TNR: variants seen among roughly 807,000 people sequenced by gnomAD.
The protein encoded by TNR is tenascin-R.
TNR carries 45 observed loss-of-function variants against 150.4 expected under a neutral mutation model. That is an observed-to-expected ratio of 0.30 (90% CI 0.24 to 0.38). The LOEUF (loss-of-function observed/expected upper bound fraction) is 0.38. TNR is among the 10% of genes least tolerant of loss of function. The pLI, the probability that TNR is intolerant of heterozygous loss-of-function variation, is 1.00. For missense variants in TNR, 1,544 were observed against 1,759.1 expected (o/e 0.88, Z 2.19); for synonymous variants, 687 against 678.4 (o/e 1.01, Z -0.20).
At chr1:175,553,353 G>A (rs974518742) in intron 1 of TNR, among the ~76,000 whole-genome samples, 1 of 152,102 alleles carries the variant, frequency 6.6e-6, no homozygotes, top group Non-Finnish European at 1.5e-5. Flanking sequence ...TGTGATTGAG[G>A]TAGACAGGAT....
At chr1:175,368,962 C>G (rs1488430962) in intron 9 of TNR, among the ~76,000 whole-genome samples, 2 of 151,982 alleles carry the variant, frequency 1.3e-5, no homozygotes, top group Admixed American at 6.6e-5. Flanking sequence ...AAAACAAAAA[C>G]AAACAAACAA....
chr1:175,657,709 G>T (rs1276496044), intron 1 of TNR, among the ~76,000 whole-genome samples: 1 of 134,628 alleles, frequency 7.4e-6, no homozygotes, highest in African/African-American at 2.8e-5. Flanking sequence ...TCATAGGTGG[G>T]AACTGAACAA....
At chr1:175,533,107 A>G (rs540234668) in intron 1 of TNR, among the ~76,000 whole-genome samples, 3 of 152,232 alleles carry the variant, frequency 2.0e-5, no homozygotes, top group Non-Finnish European at 4.4e-5. Context: ...AAGGAAAAAG[A>G]CATTTCTCTT....
rs1648814114 is a variant in TNR at position 175,315,678 on chromosome 1, C to G, written c.*7679G>C. ...GCTCGGAGCCCCAGTTAATGACCCC[C>G]TCAGTGTCACAGTGATTTGCTTAGG... On this transcript the variant is annotated 3_prime_UTR_variant, in exon 23 of 23. Coordinates refer to ENST00000367674, the MANE Select transcript of TNR (RefSeq NM_003285.3). 1 of 152,262 alleles carries G rather than the reference C, an allele frequency of 6.6e-6. No individual in the cohort carries two copies. The highest frequency in any genetic ancestry group is 1.5e-5 in the Non-Finnish European group (1 of 68,070). 9.4% of individuals were successfully genotyped at this position (152,262 alleles called of 1,614,324 possible). A position where few individuals can be genotyped will look rare whatever the true frequency, so the allele number is the denominator to read the frequency against.
At chr1:175,330,987 C>T (rs893682334) in intron 20 of TNR, among the ~76,000 whole-genome samples, 1 of 139,388 alleles carries the variant, frequency 7.2e-6, no homozygotes, top group Admixed American at 7.2e-5. Flanking sequence ...GAGTCCAGAT[C>T]CCTCTTGGTG....
chr1:175,726,951 T>C (rs898413730), intron 1 of TNR, among the ~76,000 whole-genome samples: 1 of 152,042 alleles, frequency 6.6e-6, no homozygotes, highest in African/African-American at 2.4e-5. Flanking sequence ...CAATGTGGCA[T>C]GTAAGGAGTG....
At chr1:175,595,348 A>G (rs1182983134) in intron 1 of TNR, among the ~76,000 whole-genome samples, 1 of 152,178 alleles carries the variant, frequency 6.6e-6, no homozygotes, top group African/African-American at 2.4e-5. Context: ...AATAAGATGC[A>G]AAAGCAACTA....
intron 1 of TNR, among the ~76,000 whole-genome samples, chr1:175,566,183 A>C (rs1410895250): frequency 1.3e-5 from 2 of 152,244 alleles, no homozygotes; most frequent in Non-Finnish European, 2.9e-5. Context: ...CTCTTAGTAC[A>C]TCAAAATCCA....
At chr1:175,466,073 T>G (rs1657022524) in intron 2 of TNR, among the ~76,000 whole-genome samples, 1 of 152,180 alleles carries the variant, frequency 6.6e-6, no homozygotes, top group Non-Finnish European at 1.5e-5. Flanking sequence ...CAATAGACTT[T>G]CAGGAACTGA....
intron 1 of TNR, among the ~76,000 whole-genome samples, chr1:175,604,178 T>A (rs1356152798): frequency 6.6e-6 from 1 of 152,124 alleles, no homozygotes; most frequent in East Asian, 1.9e-4. Context: ...GAGGAGGAGA[T>A]GGGCCAAGGC....
intron 18 of TNR, among the ~76,000 whole-genome samples, chr1:175,341,327 C>T (rs889022109): frequency 5.9e-5 from 9 of 152,258 alleles, no homozygotes; most frequent in East Asian, 1.9e-4. Flanking sequence ...GAGCCTAGAC[C>T]GATGGAGAAT....
At chr1:175,460,711 G>A (rs374003832) in intron 2 of TNR, among the ~76,000 whole-genome samples, 4 of 152,168 alleles carry the variant, frequency 2.6e-5, no homozygotes, top group Non-Finnish European at 4.4e-5. Flanking sequence ...TGTCCAAGGT[G>A]GCAAAGGGTA....
chr1:175,647,282 G>A (rs1033034741), intron 1 of TNR, among the ~76,000 whole-genome samples: 1 of 152,116 alleles, frequency 6.6e-6, no homozygotes, highest in Non-Finnish European at 1.5e-5. Context: ...TTCACCACAT[G>A]CACAAAAAAT....
chr1:175,380,539 C>T (rs963234184), intron 8 of TNR, among the ~76,000 whole-genome samples: 16 of 151,696 alleles, frequency 1.1e-4, no homozygotes, highest in African/African-American at 3.6e-4. Flanking sequence ...CCACTGCACT[C>T]CAGCCTGGGC....
intron 1 of TNR, among the ~76,000 whole-genome samples, chr1:175,574,955 C>T (rs995240329): frequency 6.6e-6 from 1 of 152,226 alleles, no homozygotes; most frequent in East Asian, 1.9e-4. Flanking sequence ...GTGGACAAAA[C>T]AGATGTAGCA....
rs35421365 is a variant in TNR, at chr1:175,330,113, G to T, written c.3754C>A (p.Leu1252Met). ...DRFSVEDSRNLYKLRIGSYNG... is the reference protein window; with the variant it reads ...DRFSVEDSRNMYKLRIGSYNG... ...TAGCTTCCTATGCGGAGTTTGTACA[G>T]GTTTCTGCTGTCCTCGACAGAGAAC... is the stretch of plus-strand genomic sequence containing the variant. The change falls in exon 21 of 23, where the codon CTG (leucine) becomes ATG (methionine). Residue 1252 changes from leucine (L) to methionine (M), a missense_variant. Physicochemically the swap from Leu to Met is conservative, Grantham distance 15. Transcript: ENST00000367674. 7.4e-6 allele frequency: 12 copies of T among 1,610,942 alleles called. No individual in the cohort carries two copies. The highest frequency in any genetic ancestry group is 1.0e-5 in the Non-Finnish European group (12 of 1,177,666).
In TNR at chr1:175,388,340, C is replaced by T. The variant is rs115411906; in HGVS notation, c.1508-2039G>A. Among the ~76,000 whole-genome samples, 264 of 151,926 alleles carry T rather than the reference C, an allele frequency of 1.7e-3. 2 individuals carry two copies. The highest frequency in any genetic ancestry group is 5.5e-3 in the African/African-American group (230 of 41,452). On this transcript the variant is annotated intron_variant, in intron 7 of 22. Transcript: ENST00000367674. ...TTCAACTCTTTAAATCCAGAAAACC[C>T]GAATCATAATGGATTGAACATATTA...
At chr1:175,660,359 C>T (rs1571724832) in intron 1 of TNR, among the ~76,000 whole-genome samples, 1 of 152,218 alleles carries the variant, frequency 6.6e-6, no homozygotes, top group Non-Finnish European at 1.5e-5. Context: ...CAGAGGCAGG[C>T]CCTGGGGACC....
chr1:175,545,954 G>C (rs558750983), intron 1 of TNR, among the ~76,000 whole-genome samples: 2 of 152,282 alleles, frequency 1.3e-5, no homozygotes, highest in South Asian at 4.1e-4. Flanking sequence ...TAAAGAGTGT[G>C]CCTCCAAAGG....
Sources: gnomAD v4.1 joint callset for allele counts (sites outside exome capture counted in the v4.1 genomes callset) on GRCh38, gnomAD v4.1.1 for gene constraint, MANE v1.5 for transcripts, NCBI Gene and HGNC (gene_info 2026-07-23, HGNC 2026-07-21) for gene names.